Variants in VTI1A observed in about 807,000 individuals in gnomAD.
VTI1A encodes the protein vesicle transport through interaction with t-SNAREs homolog 1A.
Under a neutral mutation model 34.9 loss-of-function variants are expected in VTI1A, and 22 were observed. That is an observed-to-expected ratio of 0.63 (90% CI 0.45 to 0.90). The LOEUF (loss-of-function observed/expected upper bound fraction) is 0.90, where lower values mean the gene tolerates loss of function less well. Among genes scored for constraint, VTI1A ranks in the 40% least tolerant of loss-of-function variants. VTI1A has a pLI of 0.00. For missense variants in VTI1A, 268 were observed against 275.6 expected, an observed-to-expected ratio of 0.97 and a Z score of 0.20; for synonymous variants, 87 against 97.3, an observed-to-expected ratio of 0.89 and a Z score of 0.62.
intron 7 of VTI1A, among the ~76,000 whole-genome samples, chr10:112,717,082 T>C (rs1021740391): frequency 6.6e-6 from 1 of 152,230 alleles, no homozygotes; most frequent in Non-Finnish European, 1.5e-5. Context: ...TAAGCTCCTC[T>C]GTATGGAAAA....
rs567595690 is a variant in VTI1A, at chr10:112,679,881, G to A, written c.560+10883G>A. On this transcript the variant is annotated intron_variant, in intron 7 of 7. Transcript: ENST00000393077. ...CCCTGTCTCAAGCCATAGGGCAGTG[G>A]TTCCTATCCTGGAGTGGGCTTCATG... 2.0e-5 allele frequency among the ~76,000 whole-genome samples: 3 copies of A among 152,242 alleles called. No individual in the cohort carries two copies. The South Asian group carries it at 6.2e-4, about 32-fold the overall frequency.
intron 5 of VTI1A, among the ~76,000 whole-genome samples, chr10:112,599,186 G>A (rs868273625): frequency 1.3e-5 from 2 of 152,166 alleles, no homozygotes; most frequent in African/African-American, 4.8e-5. Context: ...CAAAAGGCCC[G>A]AAACAAGAAG....
intron 5 of VTI1A, among the ~76,000 whole-genome samples, chr10:112,654,460 G>A (rs895846571): frequency 1.1e-4 from 16 of 151,918 alleles, no homozygotes; most frequent in Non-Finnish European, 8.8e-5. Context: ...TTCAGAATAT[G>A]CCCCACAGTC....
the VTI1A span, among the ~76,000 whole-genome samples, chr10:112,848,505 C>T: frequency 6.6e-6 from 1 of 152,136 alleles, no homozygotes; most frequent in African/African-American, 2.4e-5. Context: ...AGACTTCCAG[C>T]AAATGGGGAG....
intron 7 of VTI1A, among the ~76,000 whole-genome samples, chr10:112,776,532 G>C (rs1052344931): frequency 6.6e-6 from 1 of 151,994 alleles, no homozygotes; most frequent in Admixed American, 6.6e-5. Flanking sequence ...CCGTCTATCC[G>C]GCCTCCCATC....
chr10:112,744,287 C>T (rs1850805326), intron 7 of VTI1A, among the ~76,000 whole-genome samples: 1 of 152,148 alleles, frequency 6.6e-6, no homozygotes, highest in East Asian at 1.9e-4. Context: ...TCAGCGTCCA[C>T]TCTCTTGCCA....
chr10:112,469,846 T>C (rs1213431506), intron 3 of VTI1A, among the ~76,000 whole-genome samples: 1 of 152,202 alleles, frequency 6.6e-6, no homozygotes, highest in African/African-American at 2.4e-5. Flanking sequence ...GCTCCTTCTC[T>C]TTGTGGCTGC....
At chr10:112,569,755 CT>C (rs970108372) in intron 5 of VTI1A, among the ~76,000 whole-genome samples, 1 of 152,168 alleles carries the variant, frequency 6.6e-6, no homozygotes, top group African/African-American at 2.4e-5. Context: ...ACACAGCTTC[CT>C]GGGTGCCAAT....
chr10:112,506,299 A>C (rs1339884309), intron 3 of VTI1A, among the ~76,000 whole-genome samples: 1 of 152,196 alleles, frequency 6.6e-6, no homozygotes, highest in Non-Finnish European at 1.5e-5. Context: ...GCCTTCGTAT[A>C]TGTGGTTCAT....
At chr10:112,645,189 T>C (rs1326517774) in intron 5 of VTI1A, among the ~76,000 whole-genome samples, 1 of 152,242 alleles carries the variant, frequency 6.6e-6, no homozygotes, top group African/African-American at 2.4e-5. Context: ...GTGGAATTAA[T>C]GTGGAATCTA....
intron 5 of VTI1A, among the ~76,000 whole-genome samples, chr10:112,650,424 T>A (rs1846965706): frequency 6.6e-6 from 1 of 151,200 alleles, no homozygotes; most frequent in Non-Finnish European, 1.5e-5. Context: ...CTGGAATACC[T>A]CCTGAAGGAC....
chr10:112,678,005 G>T (rs1848090344), intron 7 of VTI1A, among the ~76,000 whole-genome samples: 1 of 152,126 alleles, frequency 6.6e-6, no homozygotes, highest in South Asian at 2.1e-4. Context: ...TTGTTATCTG[G>T]GTTCATATGG....
At chr10:112,562,405 A>T (rs1273583324) in intron 5 of VTI1A, among the ~76,000 whole-genome samples, 2 of 152,166 alleles carry the variant, frequency 1.3e-5, no homozygotes, top group Non-Finnish European at 1.5e-5. Context: ...CAGTATATTT[A>T]GGATAATTAA....
At chr10:112,647,076 T>C (rs1313119714) in intron 5 of VTI1A, among the ~76,000 whole-genome samples, 3 of 152,226 alleles carry the variant, frequency 2.0e-5, no homozygotes, top group Non-Finnish European at 4.4e-5. Flanking sequence ...TTGTTTAACC[T>C]TTCTGGAAGA....
chr10:112,464,278 G>A (rs975610672), intron 2 of VTI1A, among the ~76,000 whole-genome samples: 11 of 152,270 alleles, frequency 7.2e-5, no homozygotes, highest in Non-Finnish European at 1.5e-4. Context: ...GATGATGGGC[G>A]TGAGCCACGG....
intron 2 of VTI1A, among the ~76,000 whole-genome samples, chr10:112,462,707 T>C (rs1471352498): frequency 6.6e-6 from 1 of 152,160 alleles, no homozygotes. Flanking sequence ...TGAAAGGTGA[T>C]TGTGTGGTTT....
chr10:112,653,957 C>T (rs780632377), intron 5 of VTI1A, among the ~76,000 whole-genome samples: 19 of 152,164 alleles, frequency 1.2e-4, no homozygotes, highest in Non-Finnish European at 2.1e-4. Context: ...ATTCTTCTTA[C>T]AATTATGCTA....
chr10:112,524,237 A>C (rs557608190), intron 3 of VTI1A, among the ~76,000 whole-genome samples: 3 of 152,220 alleles, frequency 2.0e-5, no homozygotes, highest in East Asian at 1.9e-4. Context: ...AGAAAATACC[A>C]ATGTTGGGCA....
chr10:112,847,288 T>C, the VTI1A span, among the ~76,000 whole-genome samples: 7 of 152,210 alleles, frequency 4.6e-5, 1 homozygote, highest in Admixed American at 2.6e-4. Flanking sequence ...CCCTTGGTGC[T>C]CTAGAGAGCT....
Sources: allele counts gnomAD v4.1 joint callset (sites outside exome capture counted in the v4.1 genomes callset), GRCh38; gene constraint gnomAD v4.1.1; transcripts MANE v1.5; gene names NCBI Gene and HGNC (gene_info 2026-07-23, HGNC 2026-07-21).